PHEX: variants seen among roughly 807,000 people sequenced by gnomAD.
PHEX encodes phosphate regulating endopeptidase X-linked, also known as phosphate-regulating neutral endopeptidase PHEX.
PHEX carries 16 observed loss-of-function variants against 68.0 expected under a neutral mutation model. The observed-to-expected ratio is 0.24, with a 90% CI of 0.16 to 0.36. The LOEUF (loss-of-function observed/expected upper bound fraction) is 0.36, where lower values mean the gene tolerates loss of function less well. Among genes scored for constraint, PHEX ranks in the 10% least tolerant of loss-of-function variants. PHEX has a pLI of 1.00. For missense variants in PHEX, 480 were observed against 575.5 expected (o/e 0.83, Z 1.70); for synonymous variants, 208 against 205.1 (o/e 1.01, Z -0.12).
rs948031783 is a variant in PHEX, at chrX:22,072,915, A to T, written c.350-3473A>T. Among the ~76,000 whole-genome samples, 8 of 112,296 alleles carry T rather than the reference A, an allele frequency of 7.1e-5. No individual in the cohort carries two copies. In the East Asian group the frequency reaches 1.7e-3, roughly 23 times the overall value. The stretch of plus-strand genomic sequence containing the variant: ...GGAAAAATTTACATAAAAAAAGAAA[A>T]TGCTTTGCTGTCCAGGATGAAGAAT... On this transcript the variant is annotated intron_variant, in intron 3 of 21. Transcript: ENST00000379374.
chrX:22,221,788 T>C, intron 18 of PHEX, 45 bp downstream of exon 18: 1 of 1,132,530 alleles, frequency 8.8e-7, no homozygotes. Context: ...GGTTCATTTT[T>C]CCTCATTTGG....
intron 16 of PHEX, among the ~76,000 whole-genome samples, chrX:22,216,068 T>C (rs1935076533): frequency 9.0e-6 from 1 of 111,559 alleles, no homozygotes; most frequent in South Asian, 3.8e-4. Context: ...TGGGTTACCT[T>C]AGAAGGGGAT....
At chrX:22,113,943 C>CTTTTTTTT (rs746349559) in intron 10 of PHEX, among the ~76,000 whole-genome samples, 3 of 63,988 alleles carry the variant, frequency 4.7e-5, no homozygotes, top group Non-Finnish European at 8.7e-5. Flanking sequence ...TCTTCTTCTT[C>CTTTTTTTT]TTTTTTTTTT....
chrX:22,107,589 A>G (rs1405700219), intron 9 of PHEX, among the ~76,000 whole-genome samples: 2 of 111,390 alleles, frequency 1.8e-5, no homozygotes, highest in East Asian at 5.7e-4. Context: ...TCTCCAACAT[A>G]TCAGCCGATT....
chrX:22,093,884 A>G (rs1444740492), intron 6 of PHEX, 99 bp from the exon 7 acceptor site: 3 of 544,484 alleles, frequency 5.5e-6, no homozygotes, highest in African/African-American at 2.3e-5. Context: ...AAAATAAAAG[A>G]CATTTATTTC....
chrX:22,209,108 A>G (rs148350570), intron 15 of PHEX, among the ~76,000 whole-genome samples: 1,559 of 111,596 alleles, frequency 0.014, 24 homozygotes, highest in African/African-American at 0.048. Context: ...AAGGAGGGTT[A>G]CATGAAATTG....
At chrX:22,039,130 G>A (rs936998993) in intron 2 of PHEX, among the ~76,000 whole-genome samples, 3 of 111,700 alleles carry the variant, frequency 2.7e-5, no homozygotes, top group Admixed American at 9.5e-5. Context: ...CACCACGCCC[G>A]GCTGATTTTT....
chrX:22,111,981 G>T (rs749349451), intron 10 of PHEX, among the ~76,000 whole-genome samples: 119 of 111,658 alleles, frequency 1.1e-3, no homozygotes, highest in African/African-American at 3.7e-3. Context: ...TAGAGATATT[G>T]GATGGTAGAA....
chrX:22,186,909 C>A (rs1186910480), intron 14 of PHEX, among the ~76,000 whole-genome samples: 1 of 111,580 alleles, frequency 9.0e-6, no homozygotes, highest in East Asian at 2.8e-4. Flanking sequence ...TTGGGAAGAA[C>A]AAAAAGAGAA....
intron 12 of PHEX, among the ~76,000 whole-genome samples, chrX:22,151,911 A>G (rs1046604935): frequency 9.0e-6 from 1 of 111,635 alleles, no homozygotes; most frequent in African/African-American, 3.3e-5. Flanking sequence ...AACCTCTTAA[A>G]AGCATACTTA....
chrX:22,072,489 TA>T (rs1213143467), intron 3 of PHEX, among the ~76,000 whole-genome samples: 1 of 112,053 alleles, frequency 8.9e-6, no homozygotes, highest in Non-Finnish European at 1.9e-5. Context: ...AACGGGACAC[TA>T]AATATGGTAA....
intron 13 of PHEX, among the ~76,000 whole-genome samples, chrX:22,170,875 G>A (rs1276524694): frequency 8.9e-6 from 1 of 112,441 alleles, no homozygotes; most frequent in East Asian, 2.8e-4. Context: ...CATGTTGGCT[G>A]TGCTTCTTTG....
At chrX:22,059,570 A>G (rs181203507) in intron 3 of PHEX, among the ~76,000 whole-genome samples, 1 of 112,448 alleles carries the variant, frequency 8.9e-6, no homozygotes, top group Non-Finnish European at 1.9e-5. Context: ...ACTTATAAAC[A>G]TTATTCTCAG....
At chrX:22,136,431 T>A (rs911688547) in intron 12 of PHEX, among the ~76,000 whole-genome samples, 1 of 112,049 alleles carries the variant, frequency 8.9e-6, no homozygotes, top group Admixed American at 9.5e-5. Flanking sequence ...TGGGCATGTG[T>A]TGTATGCAGT....
chrX:22,140,350 CTCTT>C (rs1569408775), intron 12 of PHEX, among the ~76,000 whole-genome samples: 1 of 111,763 alleles, frequency 8.9e-6, no homozygotes, highest in East Asian at 2.8e-4. Context: ...GATCCAAAGG[CTCTT>C]TCTTGGTCAT....
chrX:22,239,225 C>T (rs758215864), intron 20 of PHEX, among the ~76,000 whole-genome samples: 8 of 111,327 alleles, frequency 7.2e-5, no homozygotes, highest in African/African-American at 2.3e-4. Flanking sequence ...AGACCATATC[C>T]GAAGGTCACC....
intron 11 of PHEX, among the ~76,000 whole-genome samples, chrX:22,128,796 G>T (rs1386282972): frequency 9.2e-6 from 1 of 108,966 alleles, no homozygotes; most frequent in African/African-American, 3.4e-5. Context: ...TGTCCTCTTT[G>T]TCCCTATCTG....
intron 5 of PHEX, 84 bp from the exon 6 acceptor site, chrX:22,090,345 T>G: frequency 1.3e-6 from 1 of 741,929 alleles, no homozygotes; most frequent in East Asian, 3.2e-5. Flanking sequence ...ATGGCTGGGA[T>G]GCAGACGATT....
intron 11 of PHEX, among the ~76,000 whole-genome samples, chrX:22,131,058 G>C (rs1247543678): frequency 9.4e-6 from 1 of 106,691 alleles, no homozygotes; most frequent in African/African-American, 3.4e-5. Flanking sequence ...TTTTTCTTTT[G>C]AGACTGAGTC....
Sources: gnomAD v4.1 joint callset for allele counts (sites outside exome capture counted in the v4.1 genomes callset) on GRCh38, gnomAD v4.1.1 for gene constraint, MANE v1.5 for transcripts, NCBI Gene and HGNC (gene_info 2026-07-23, HGNC 2026-07-21) for gene names.